CLVS1: variants seen among roughly 807,000 people sequenced by gnomAD.
The protein encoded by CLVS1 is clavesin 1.
A neutral mutation model predicts 33.1 loss-of-function variants in CLVS1; 10 were observed. That is an observed-to-expected ratio of 0.30 (90% confidence interval 0.19 to 0.51). The LOEUF is 0.51. Among genes scored for constraint, CLVS1 ranks in the 20% least tolerant of loss-of-function variants. The pLI is 0.97. For synonymous variants in CLVS1, 163 were observed against 166.1 expected (o/e 0.98, Z 0.14); for missense variants, 343 against 433.4 (o/e 0.79, Z 1.85).
chr8:61,158,377 G>A (rs755317125), intron 2 of CLVS1, among the ~76,000 whole-genome samples: 4 of 152,176 alleles, frequency 2.6e-5, no homozygotes, highest in Non-Finnish European at 1.5e-5. Context: ...ACCATTTGAT[G>A]TGTACGTGTT....
intron 3 of CLVS1, among the ~76,000 whole-genome samples, chr8:61,385,582 A>G (rs987310626): frequency 6.6e-6 from 1 of 152,250 alleles, no homozygotes; most frequent in Non-Finnish European, 1.5e-5. Context: ...GGGCATTTAC[A>G]TAACAGGACA....
In CLVS1 at chr8:61,340,773, A is replaced by G. The variant is rs1299279974; in HGVS notation, c.456-35832A>G. Among the ~76,000 whole-genome samples the G allele has an allele frequency of 2.6e-5, 4 of 152,334 alleles. No individual in the cohort carries two copies. The East Asian group carries it at 7.7e-4, about 29-fold the overall frequency. On this transcript the variant is annotated intron_variant, in intron 2 of 5. Coordinates refer to ENST00000325897, the MANE Select transcript of CLVS1 (RefSeq NM_173519.3). ...AGGACCCTCCATATTGTTTTCCATGATGGCTGTACCAGTGTTAGATACATT... is the reference window on the plus strand; with the variant it reads ...AGGACCCTCCATATTGTTTTCCATGGTGGCTGTACCAGTGTTAGATACATT...
At chr8:61,254,997 T>G (rs1262632857) in intron 2 of CLVS1, among the ~76,000 whole-genome samples, 1 of 152,212 alleles carries the variant, frequency 6.6e-6, no homozygotes, top group Non-Finnish European at 1.5e-5. Flanking sequence ...TCTGCATCAC[T>G]GACACTGGGA....
At chr8:60,999,606 A>G in the CLVS1 span, among the ~76,000 whole-genome samples, 1 of 152,250 alleles carries the variant, frequency 6.6e-6, no homozygotes, top group Admixed American at 6.5e-5. Context: ...CACCTGGCCA[A>G]CTGTGATCAC....
chr8:61,034,106 C>T, the CLVS1 span, among the ~76,000 whole-genome samples: 9 of 152,242 alleles, frequency 5.9e-5, no homozygotes, highest in Admixed American at 1.3e-4. Context: ...ACCCTGGGCC[C>T]GCAGCTCCAG....
At chr8:61,426,379 T>C (rs1027722701) in intron 3 of CLVS1, among the ~76,000 whole-genome samples, 5 of 152,230 alleles carry the variant, frequency 3.3e-5, no homozygotes, top group African/African-American at 1.2e-4. Context: ...TATTTACTAA[T>C]TGTATCCTGT....
chr8:61,161,447 A>G (rs887626813), intron 2 of CLVS1, among the ~76,000 whole-genome samples: 1 of 152,216 alleles, frequency 6.6e-6, no homozygotes, highest in Non-Finnish European at 1.5e-5. Context: ...TATGAGGCAA[A>G]TGTTGAATAC....
At chr8:61,011,641 G>T in the CLVS1 span, among the ~76,000 whole-genome samples, 6 of 151,968 alleles carry the variant, frequency 3.9e-5, no homozygotes, top group Non-Finnish European at 8.8e-5. Context: ...TAGAGATGGG[G>T]TTTCACTCTG....
At chr8:61,089,863 G>A (rs895718502) in intron 1 of CLVS1, among the ~76,000 whole-genome samples, 1 of 152,178 alleles carries the variant, frequency 6.6e-6, no homozygotes, top group African/African-American at 2.4e-5. Flanking sequence ...CCAAGGCTCA[G>A]GTGAGCTGAT....
At chr8:60,998,632 T>C in the CLVS1 span, among the ~76,000 whole-genome samples, 1 of 152,224 alleles carries the variant, frequency 6.6e-6, no homozygotes, top group East Asian at 1.9e-4. Flanking sequence ...TTGTGCCTTT[T>C]AGAGCAATGC....
intron 5 of CLVS1, among the ~76,000 whole-genome samples, chr8:61,473,231 G>A (rs1328539639): frequency 6.6e-6 from 1 of 150,706 alleles, no homozygotes; most frequent in African/African-American, 2.4e-5. Context: ...ACCAGTGTCA[G>A]GAACTACTGT....
intron 1 of CLVS1, among the ~76,000 whole-genome samples, chr8:61,117,867 C>CAGA (rs140563410): frequency 0.18 from 26,829 of 151,134 alleles, 2,492 homozygotes; most frequent in Admixed American, 0.3. Flanking sequence ...GCTTTGGTAT[C>CAGA]AGAATGATGC....
intron 1 of CLVS1, among the ~76,000 whole-genome samples, chr8:61,130,914 A>G (rs1212628660): frequency 6.6e-6 from 1 of 152,238 alleles, no homozygotes; most frequent in African/African-American, 2.4e-5. Context: ...CAGACTCATC[A>G]ACTCATAAAA....
intron 1 of CLVS1, among the ~76,000 whole-genome samples, chr8:61,090,516 T>G (rs1805223151): frequency 6.6e-6 from 1 of 151,334 alleles, no homozygotes; most frequent in Admixed American, 6.6e-5. Flanking sequence ...GCTGCAAACA[T>G]GTGCTACCCT....
intron 5 of CLVS1, among the ~76,000 whole-genome samples, chr8:61,469,784 A>G (rs796277994): frequency 5.9e-5 from 9 of 152,336 alleles, no homozygotes; most frequent in African/African-American, 2.2e-4. Flanking sequence ...TTGGGAACAG[A>G]TGTTCCATAT....
chr8:61,282,798 C>T (rs1323134553), intron 2 of CLVS1, among the ~76,000 whole-genome samples: 1 of 152,172 alleles, frequency 6.6e-6, no homozygotes, highest in Non-Finnish European at 1.5e-5. Flanking sequence ...CTATTTCCTG[C>T]AACCTGAAAG....
chr8:61,308,178 G>A (rs918811523), intron 2 of CLVS1, among the ~76,000 whole-genome samples: 1 of 152,120 alleles, frequency 6.6e-6, no homozygotes, highest in Non-Finnish European at 1.5e-5. Context: ...TTCCATGTAC[G>A]TTTTCTTATT....
intron 3 of CLVS1, among the ~76,000 whole-genome samples, chr8:61,389,015 C>T (rs1159820024): frequency 6.6e-6 from 1 of 152,174 alleles, no homozygotes; most frequent in Non-Finnish European, 1.5e-5. Flanking sequence ...TAAGCTTCTG[C>T]ATATGAGTGA....
chr8:61,378,611 T>G (rs73682280), intron 3 of CLVS1, among the ~76,000 whole-genome samples: 1,756 of 152,302 alleles, frequency 0.012, 26 homozygotes, highest in African/African-American at 0.04. Context: ...CCTGGGGAGC[T>G]GAGCTGGGGT....
Sources: gnomAD v4.1 joint callset for allele counts (sites outside exome capture counted in the v4.1 genomes callset) on GRCh38, gnomAD v4.1.1 for gene constraint, MANE v1.5 for transcripts, NCBI Gene and HGNC (gene_info 2026-07-23, HGNC 2026-07-21) for gene names.